The following MILR1 variants were observed in gnomAD, a reference collection of about 807,000 sequenced individuals.
MILR1 encodes the protein allergin-1.
In MILR1, 31 loss-of-function variants were observed where a neutral mutation model predicts 18.5. That is an observed-to-expected ratio of 1.68 (90% CI 1.26 to 2.26). The LOEUF (loss-of-function observed/expected upper bound fraction) is 2.26, where lower values mean the gene tolerates loss of function less well. MILR1 is among the 30% of genes most tolerant of loss of function. The pLI is 0.00. For missense variants in MILR1, 257 were observed against 157.4 expected (o/e 1.63, Z -3.38); for synonymous variants, 85 against 56.2 (o/e 1.51, Z -2.30).
chr17:64,488,902 G>C, the MILR1 span, among the ~76,000 whole-genome samples: 1 of 151,824 alleles, frequency 6.6e-6, no homozygotes, highest in African/African-American at 2.4e-5. Context: ...TGGGAATCGC[G>C]ACACTGCACT....
In MILR1 at chr17:64,460,878, C is replaced by T; in HGVS notation, c.709C>T (p.Leu237=). The T allele has an allele frequency of 2.1e-6, 1 of 475,238 alleles. No homozygotes were observed. Among genetic ancestry groups the T allele is most frequent in the Non-Finnish European group, 3.9e-6 (1 of 258,938 alleles). 29.4% of individuals were successfully genotyped at this position (475,238 alleles called of 1,614,324 possible). Residue 237 remains leucine (L), a synonymous_variant, in exon 5 of 10, where the codon CTG becomes TTG. Coordinates refer to ENST00000619286, the MANE Select transcript of MILR1 (RefSeq NM_001085423.2). The part of the protein sequence containing the change: ...KLLLPGLLLL[L]VVIILILAFW... ...ACTACTTCCAGGGTTATTACTGTTG[C>T]TGGTGGTGATAATCCTAATTCTGGC...
At chr17:64,482,901 TA>T in the MILR1 span, 1 of 1,342,968 alleles carries the variant, frequency 7.4e-7, no homozygotes, top group Middle Eastern at 1.8e-4. Context: ...AAATGACATT[TA>T]AACTCATTTA....
At chr17:64,491,041 A>T in the MILR1 span, 3 of 1,154,178 alleles carry the variant, frequency 2.6e-6, no homozygotes, top group Middle Eastern at 1.9e-4. Flanking sequence ...AATTATCTGT[A>T]AGAATTTAAA....
chr17:64,486,628 T>C, the MILR1 span, among the ~76,000 whole-genome samples: 2 of 152,254 alleles, frequency 1.3e-5, no homozygotes, highest in East Asian at 3.9e-4. Flanking sequence ...CCTCCCAAAG[T>C]GCTGGGATTA....
chr17:64,466,137 G>A (rs541761559), intron 6 of MILR1, among the ~76,000 whole-genome samples: 6 of 152,154 alleles, frequency 3.9e-5, no homozygotes, highest in Non-Finnish European at 7.4e-5. Flanking sequence ...CAAGGGAAGG[G>A]GGAAACCCCT....
intron 5 of MILR1, among the ~76,000 whole-genome samples, chr17:64,461,512 G>T (rs1327296611): frequency 3.0e-4 from 46 of 152,188 alleles, no homozygotes; most frequent in Non-Finnish European, 7.4e-5. Flanking sequence ...GTTTCCCAAA[G>T]TGCTGGGATT....
chr17:64,488,456 A>G, the MILR1 span, among the ~76,000 whole-genome samples: 2 of 152,060 alleles, frequency 1.3e-5, no homozygotes, highest in Non-Finnish European at 2.9e-5. Flanking sequence ...TAATCTTAGC[A>G]CTCAGAAAGG....
chr17:64,490,810 C>T, the MILR1 span: 1 of 1,612,632 alleles, frequency 6.2e-7, no homozygotes, highest in Non-Finnish European at 8.5e-7. Context: ...AATTTAGACA[C>T]ATTGCCAGGA....
downstream of MILR1, among the ~76,000 whole-genome samples, chr17:64,472,465 C>CAAAAA (rs71158332): frequency 0.015 from 211 of 13,912 alleles, 31 homozygotes; most frequent in Admixed American, 0.021. Context: ...GACTCCATCT[C>CAAAAA]AAAAAAAAAA....
the MILR1 span, among the ~76,000 whole-genome samples, chr17:64,496,029 C>T: frequency 0.054 from 8,206 of 152,238 alleles, 384 homozygotes; most frequent in Admixed American, 0.14. Context: ...CTATGATATA[C>T]ATGAAATAGT....
chr17:64,457,009 T>A (rs1378608966), intron 3 of MILR1, among the ~76,000 whole-genome samples: 4 of 152,140 alleles, frequency 2.6e-5, no homozygotes, highest in Non-Finnish European at 5.9e-5. Context: ...AGGCCCTATG[T>A]CTATAAAAAA....
Position 64,457,603 on chromosome 17 carries a change from GA to G in MILR1, c.572del (p.Glu191GlyfsTer36), listed in dbSNP as rs1598093664. The G allele has an allele frequency of 2.1e-6, 1 of 475,398 alleles. No homozygotes were observed. Among genetic ancestry groups the G allele is most frequent in the East Asian group, 3.1e-5 (1 of 32,048 alleles). 29.4% of individuals were successfully genotyped at this position (475,398 alleles called of 1,614,324 possible). A position where few individuals can be genotyped will look rare whatever the true frequency, so the allele number is the denominator to read the frequency against. On this transcript the variant is annotated frameshift_variant, in exon 4 of 10. Transcript: ENST00000619286. LOFTEE classifies it high-confidence loss of function. Reference sequence around the variant, plus strand: ...CTTAACCAAGAAGAATCCTGGAGAAGAGGAAGAGTATAGGTGTGAAGCTAAA... The same window carrying G: ...CTTAACCAAGAAGAATCCTGGAGAAGGGAAGAGTATAGGTGTGAAGCTAAA... ...FNLTKKNPGEEEEYRCEAKNR... is the reference protein window; with the variant it reads ...FNLTKKNPGEXEEYRCEAKNR...
chr17:64,473,034 G>A (rs2037713093), downstream of MILR1, among the ~76,000 whole-genome samples: 1 of 152,120 alleles, frequency 6.6e-6, no homozygotes, highest in Non-Finnish European at 1.5e-5. Context: ...CTACTCTCAG[G>A]GATGGGGGAT....
the MILR1 span, among the ~76,000 whole-genome samples, chr17:64,489,590 G>A: frequency 6.6e-6 from 1 of 151,762 alleles, no homozygotes; most frequent in African/African-American, 2.4e-5. Context: ...GCTAGACCCC[G>A]TCTCTACAAA....
chr17:64,454,486 A>G (rs1419835398), intron 3 of MILR1, among the ~76,000 whole-genome samples: 2 of 152,236 alleles, frequency 1.3e-5, no homozygotes, highest in Non-Finnish European at 2.9e-5. Context: ...GGTGGCTGCC[A>G]CATTGGACAA....
At chr17:64,496,616 A>G in the MILR1 span, 1 of 1,613,852 alleles carries the variant, frequency 6.2e-7, no homozygotes, top group Non-Finnish European at 8.5e-7. Context: ...GAACACCACC[A>G]CCGAGGTCCA....
chr17:64,491,027 C>T, the MILR1 span: 4 of 1,226,980 alleles, frequency 3.3e-6, no homozygotes, highest in South Asian at 4.8e-5. Context: ...AATTTAACTC[C>T]CATAATTATC....
intron 2 of MILR1, among the ~76,000 whole-genome samples, chr17:64,450,008 G>A (rs1455459675): frequency 2.0e-5 from 3 of 150,676 alleles, no homozygotes; most frequent in Non-Finnish European, 4.4e-5. Flanking sequence ...GTGCAATCTC[G>A]GCTCACTGCA....
At chr17:64,470,644 A>AGG (rs2037674419), downstream of MILR1, among the ~76,000 whole-genome samples, 2 of 152,150 alleles carry the variant, frequency 1.3e-5, no homozygotes, top group African/African-American at 4.8e-5. Context: ...AGAAGTTAGC[A>AGG]GAGCAGAACT....
Sources: allele counts gnomAD v4.1 joint callset (sites outside exome capture counted in the v4.1 genomes callset), GRCh38; gene constraint gnomAD v4.1.1; transcripts MANE v1.5; gene names NCBI Gene and HGNC (gene_info 2026-07-23, HGNC 2026-07-21).